Variants in ATG2B observed in about 807,000 individuals in gnomAD.
ATG2B encodes the protein autophagy related 2B.
In ATG2B, 121 loss-of-function variants were observed where a neutral mutation model predicts 241.3. The ratio of observed to expected loss-of-function variants is 0.50; its 90% CI spans 0.43 to 0.58. The LOEUF is 0.58. Among genes scored for constraint, ATG2B ranks in the 20% least tolerant of loss-of-function variants. The pLI, the probability that ATG2B is intolerant of heterozygous loss-of-function variation, is 0.00. For synonymous variants in ATG2B, 858 were observed against 876.6 expected (o/e 0.98, Z 0.37); for missense variants, 2,306 against 2,491.6 (o/e 0.93, Z 1.59).
intron 1 of ATG2B, among the ~76,000 whole-genome samples, chr14:96,350,407 G>T (rs1203714637): frequency 6.6e-6 from 1 of 152,104 alleles, no homozygotes; most frequent in African/African-American, 2.4e-5. Context: ...ACAGAGAAGA[G>T]TGGTCAAGCT....
rs1476993054 is a variant in ATG2B at position 96,329,646 on chromosome 14, A to C, written c.1731-12T>G. On this transcript the variant is annotated splice_polypyrimidine_tract_variant and intron_variant, in intron 11 of 41. Coordinates refer to ENST00000359933, the MANE Select transcript of ATG2B (RefSeq NM_018036.7). ...CAGTACCTATAAATCTATTATAAAA[A>C]ATGCACCATTTAAGATTATTAGTGT... 6.4e-7 allele frequency: 1 copy of C among 1,555,834 alleles called. No homozygotes were observed. The highest frequency in any genetic ancestry group is 1.2e-5 in the South Asian group (1 of 86,618).
rs757559947 is a variant in ATG2B at position 96,313,315 on chromosome 14, AT to A, written c.3749+13del. On this transcript the variant is annotated intron_variant, in intron 24 of 41. Coordinates refer to ENST00000359933, the MANE Select transcript of ATG2B (RefSeq NM_018036.7). ...TTTAAATAAAACTTTATTTTGTTCC[AT>A]TTGTGAACTTACCTATAATCAAGTG... 1.3e-6 allele frequency: 2 copies of A among 1,535,010 alleles called. No homozygotes were observed. The highest frequency in any genetic ancestry group is 2.8e-5 in the African/African-American group (2 of 71,638).
intron 1 of ATG2B, among the ~76,000 whole-genome samples, chr14:96,354,179 G>T (rs1400778208): frequency 6.6e-6 from 1 of 152,094 alleles, no homozygotes; most frequent in African/African-American, 2.4e-5. Context: ...GTACATCCAG[G>T]TTTGTTACAT....
Position 96,343,100 on chromosome 14 carries a change from G to A in ATG2B, c.744+19C>T. The A allele has an allele frequency of 6.6e-7, 1 of 1,523,206 alleles. No individual in the cohort carries two copies. 94.4% of individuals were successfully genotyped at this position (1,523,206 alleles called of 1,614,324 possible). On this transcript the variant is annotated intron_variant, in intron 5 of 41. Coordinates refer to ENST00000359933, the MANE Select transcript of ATG2B (RefSeq NM_018036.7). ...AAAAAATCTATGATTATGGTTTTAG[G>A]GTTTTTGTTTTTTCTTACCACTGGT...
intron 4 of ATG2B, among the ~76,000 whole-genome samples, chr14:96,344,317 T>C (rs998291969): frequency 2.6e-5 from 4 of 152,194 alleles, no homozygotes; most frequent in Non-Finnish European, 5.9e-5. Flanking sequence ...GCCTAAATAT[T>C]GCATTGTTAA....
At chr14:96,343,845 A>G (rs1256829357) in intron 4 of ATG2B, among the ~76,000 whole-genome samples, 1 of 152,188 alleles carries the variant, frequency 6.6e-6, no homozygotes, top group Non-Finnish European at 1.5e-5. Flanking sequence ...AAGGCAATGG[A>G]CCCTTATTCC....
At chr14:96,357,311 T>C (rs1008395601) in intron 1 of ATG2B, among the ~76,000 whole-genome samples, 4 of 152,204 alleles carry the variant, frequency 2.6e-5, no homozygotes, top group African/African-American at 9.7e-5. Flanking sequence ...TTCGGCCTTT[T>C]TTGTTTCTCA....
chr14:96,285,650 T>C lies in ATG2B; in HGVS notation c.*105A>G, dbSNP rs1886313203. On this transcript the variant is annotated 3_prime_UTR_variant, in exon 42 of 42. Coordinates refer to ENST00000359933, the MANE Select transcript of ATG2B (RefSeq NM_018036.7). This position sits in a 1 kb window ranked among gnomAD's most constrained non-coding sequence, Gnocchi z 4.2. ...TTTAACTAAAAAATGCTTTTGTTCC[T>C]GAGATGAGCACAATAAAATTAAACG... 2.8e-6 allele frequency: 3 copies of C among 1,064,650 alleles called. No individual in the cohort carries two copies. In the East Asian group the frequency reaches 7.4e-5, roughly 26 times the overall value. The allele number at this position is 1,064,650 out of a possible 1,614,324, so 66.0% of individuals were successfully genotyped here.
intron 18 of ATG2B, among the ~76,000 whole-genome samples, chr14:96,319,995 C>A (rs1041035390): frequency 2.6e-5 from 4 of 151,910 alleles, no homozygotes; most frequent in Non-Finnish European, 5.9e-5. Context: ...CCTGAGAGAC[C>A]AAAAAGTGGT....
intron 36 of ATG2B, chr14:96,292,934 ATTAC>A (rs1387001812): frequency 1.1e-4 from 17 of 152,228 alleles, no homozygotes; most frequent in African/African-American, 4.1e-4. Flanking sequence ...TCATTTCTAG[ATTAC>A]TTATAGTATT....
intron 23 of ATG2B, among the ~76,000 whole-genome samples, chr14:96,314,698 TTTTGTTTTGTTTTG>T (rs1471593606): frequency 6.6e-6 from 1 of 151,652 alleles, no homozygotes; most frequent in Non-Finnish European, 1.5e-5. Flanking sequence ...TTTTGTTTTG[TTTTGTTTTGTTTTG>T]TTTTTTGAGA....
rs542922620 is a variant in ATG2B, at chr14:96,290,163, A to T, written c.5856+273T>A. On this transcript the variant is annotated intron_variant, in intron 40 of 41. Transcript: ENST00000359933. The surrounding 1 kb of genome is among the most constrained non-coding windows in gnomAD (Gnocchi z 4.4). Reference sequence around the variant, plus strand: ...CTTCAAATTTAGCTACGATCCTTTCATACAAATATGGTGAAATCAATCCTC... The same window carrying T: ...CTTCAAATTTAGCTACGATCCTTTCTTACAAATATGGTGAAATCAATCCTC... 1 of 1,265,836 alleles carries T rather than the reference A, an allele frequency of 7.9e-7. No homozygotes were observed. Among genetic ancestry groups the T allele is most frequent in the Admixed American group, 3.7e-5 (1 of 26,846 alleles). 78.4% of individuals were successfully genotyped at this position (1,265,836 alleles called of 1,614,324 possible).
At chr14:96,348,930 AAAAG>A in intron 1 of ATG2B, among the ~76,000 whole-genome samples, 1 of 152,198 alleles carries the variant, frequency 6.6e-6, no homozygotes, top group Admixed American at 6.5e-5. Flanking sequence ...TTAAAAATTA[AAAAG>A]AAAGCAGAGA....
chr14:96,345,174 G>T, intron 3 of ATG2B, 59 bp downstream of exon 3: 2 of 1,372,500 alleles, frequency 1.5e-6, no homozygotes, highest in Non-Finnish European at 2.0e-6. Context: ...CTTATTACAT[G>T]AAGGTACAAA....
chr14:96,341,484 A>C (rs766905465), intron 6 of ATG2B, 38 bp downstream of exon 6: 2 of 1,487,170 alleles, frequency 1.3e-6, no homozygotes, highest in African/African-American at 1.4e-5. Flanking sequence ...TTGTACTTTT[A>C]TTTTGGTTTT....
rs1239939178 is a variant in ATG2B, at chr14:96,317,740, T to G, written c.2995A>C (p.Asn999His). The G allele has an allele frequency of 6.2e-7, 1 of 1,612,082 alleles. No individual in the cohort carries two copies. Among genetic ancestry groups the G allele is most frequent in the South Asian group, 1.1e-5 (1 of 90,722 alleles). The part of the protein sequence containing the change: ...SVASQLINTF[N>H]KDSFSAFKSA... ...TTAAATGCACTAAAACTATCTTTGTTGAAAGTATTAATGAGCTGACTGGCT... is the reference window on the plus strand; with the variant it reads ...TTAAATGCACTAAAACTATCTTTGTGGAAAGTATTAATGAGCTGACTGGCT... The change falls in exon 19 of 42, where the codon AAC becomes CAC. Residue 999 changes from asparagine to histidine, a missense_variant. Around this residue, in one of 2 missense-constraint regions of ATG2B, gnomAD observed 1,927 missense variants for 2,011.2 expected, o/e 0.96. Transcript: ENST00000359933.
Position 96,315,138 on chromosome 14 carries a change from A to T in ATG2B, c.3642+16T>A, listed in dbSNP as rs768554825. On this transcript the variant is annotated intron_variant, in intron 23 of 41. Transcript: ENST00000359933. ...AATTTTTAAATAAATTAATACATAT[A>T]TAACAGCTCTCTTACCTGCTCATGC... is the stretch of plus-strand genomic sequence containing the variant. The T allele has an allele frequency of 1.2e-5, 19 of 1,602,468 alleles. No individual in the cohort carries two copies. In the South Asian group the frequency reaches 1.9e-4, roughly 16 times the overall value.
At chr14:96,307,231 A>G (rs1186407655) in intron 29 of ATG2B, among the ~76,000 whole-genome samples, 1 of 151,920 alleles carries the variant, frequency 6.6e-6, no homozygotes, top group Non-Finnish European at 1.5e-5. Flanking sequence ...GGCCAACATG[A>G]TGAAACCCTG....
intron 28 of ATG2B, 100 bp from the exon 29 acceptor site, chr14:96,309,694 A>C: frequency 8.6e-7 from 1 of 1,158,640 alleles, no homozygotes; most frequent in Non-Finnish European, 1.2e-6. Context: ...TTGTACAAAA[A>C]CATCAGAAAT....
Sources: gnomAD v4.1 joint callset for allele counts (sites outside exome capture counted in the v4.1 genomes callset) on GRCh38, gnomAD v4.1.1 for gene constraint, gnomAD v4.1.1 regional missense constraint, Gnocchi (gnomAD v3.1) non-coding constraint, MANE v1.5 for transcripts, NCBI Gene and HGNC (gene_info 2026-07-23, HGNC 2026-07-21) for gene names.